Variants in BTF3L4 observed in about 807,000 individuals in gnomAD.
The protein encoded by BTF3L4 is transcription factor BTF3 homolog 4.
In BTF3L4, 6 loss-of-function variants were observed where a neutral mutation model predicts 16.8. That is an observed-to-expected ratio of 0.36 (90% CI 0.20 to 0.71). BTF3L4 has a LOEUF of 0.71. BTF3L4 is among the 30% of genes least tolerant of loss of function. BTF3L4 has a pLI of 0.58. For missense variants in BTF3L4, 92 were observed against 186.9 expected, an observed-to-expected ratio of 0.49 and a Z score of 2.96; for synonymous variants, 39 against 59.8, an observed-to-expected ratio of 0.65 and a Z score of 1.60.
At chr1:52,079,964 C>T (rs889192538) in intron 3 of BTF3L4, among the ~76,000 whole-genome samples, 13 of 150,466 alleles carry the variant, frequency 8.6e-5, no homozygotes, top group African/African-American at 2.2e-4. Context: ...CTCTTCCTCC[C>T]GGGTTCAAGC....
chr1:52,060,041 T>A (rs955901573), intron 2 of BTF3L4, 140 bp downstream of exon 2: 14 of 780,172 alleles, frequency 1.8e-5, no homozygotes, highest in Admixed American at 6.4e-5. Flanking sequence ...AAATAACTTG[T>A]CTAGATCTAA....
At chr1:52,058,470 G>C (rs1686429387) in intron 1 of BTF3L4, among the ~76,000 whole-genome samples, 1 of 152,044 alleles carries the variant, frequency 6.6e-6, no homozygotes, top group African/African-American at 2.4e-5. Context: ...TTTTTCATGT[G>C]AATGATGACT....
At chr1:52,075,712 G>C (rs940746655) in intron 3 of BTF3L4, among the ~76,000 whole-genome samples, 2 of 151,514 alleles carry the variant, frequency 1.3e-5, no homozygotes, top group African/African-American at 2.4e-5. Context: ...TGCCCAGGCT[G>C]AAGTGCGGTG....
At chr1:52,058,168 T>G (rs1261569643) in intron 1 of BTF3L4, among the ~76,000 whole-genome samples, 1 of 152,218 alleles carries the variant, frequency 6.6e-6, no homozygotes, top group Non-Finnish European at 1.5e-5. Flanking sequence ...GTCATCAAAT[T>G]TAAGTCTATG....
intron 4 of BTF3L4, among the ~76,000 whole-genome samples, chr1:52,084,959 G>A (rs1489962654): frequency 6.7e-6 from 1 of 149,248 alleles, no homozygotes; most frequent in African/African-American, 2.5e-5. Flanking sequence ...TAGTATTGTA[G>A]TGCCCATACT....
intron 3 of BTF3L4, among the ~76,000 whole-genome samples, chr1:52,080,616 CTA>C (rs1457809880): frequency 7.9e-6 from 1 of 126,810 alleles, no homozygotes; most frequent in Non-Finnish European, 1.6e-5. Context: ...TTACTGCAAC[CTA>C]TGTCTCCCAG....
Position 52,087,788 on chromosome 1 carries a change from G to T in BTF3L4, c.*1030G>T, listed in dbSNP as rs1443812340. The T allele has an allele frequency of 6.6e-6, 1 of 152,568 alleles. No homozygotes were observed. Among genetic ancestry groups the T allele is most frequent in the Non-Finnish European group, 1.5e-5 (1 of 68,038 alleles). 9.5% of individuals were successfully genotyped at this position (152,568 alleles called of 1,614,324 possible). On this transcript the variant is annotated 3_prime_UTR_variant, in exon 6 of 6. Transcript: ENST00000313334. ...TTGGGAATGTCCTTTTGAATCAGAA[G>T]AAAATAGGCCATAGACTCATCTCCC... is the stretch of plus-strand genomic sequence containing the variant.
chr1:52,061,938 G>A (rs1003424908), intron 2 of BTF3L4, among the ~76,000 whole-genome samples: 1 of 148,776 alleles, frequency 6.7e-6, no homozygotes, highest in Non-Finnish European at 1.5e-5. Flanking sequence ...CACCGTGCCC[G>A]GCCTCTTTTT....
intron 3 of BTF3L4, among the ~76,000 whole-genome samples, chr1:52,066,764 T>C (rs1572023290): frequency 6.7e-6 from 1 of 149,870 alleles, no homozygotes; most frequent in Non-Finnish European, 1.5e-5. Flanking sequence ...GAGAATGGAG[T>C]GAACCCAGGA....
intron 3 of BTF3L4, among the ~76,000 whole-genome samples, chr1:52,066,547 A>G (rs1440960528): frequency 3.3e-5 from 5 of 150,238 alleles, no homozygotes; most frequent in Non-Finnish European, 5.9e-5. Context: ...TTACTGCCAT[A>G]AGTTAAATTT....
intron 5 of BTF3L4, 107 bp from the exon 6 acceptor site, chr1:52,086,605 T>C (rs1643975367): frequency 3.2e-6 from 2 of 630,342 alleles, no homozygotes; most frequent in Non-Finnish European, 2.8e-6. Flanking sequence ...AGGCTAATTC[T>C]GGTTGTACTA....
chr1:52,064,799 TCTG>T (rs1357536083), intron 2 of BTF3L4, 23 bp from the exon 3 acceptor site: 3 of 1,504,508 alleles, frequency 2.0e-6, no homozygotes, highest in African/African-American at 2.8e-5. Flanking sequence ...TGCTAACACT[TCTG>T]CTTCTGTTTG....
rs1299844377 is a variant in BTF3L4, at chr1:52,088,430, A to G, written c.*1672A>G. The G allele has an allele frequency of 6.6e-6, 1 of 152,632 alleles. No individual in the cohort carries two copies. Among genetic ancestry groups the G allele is most frequent in the Non-Finnish European group, 1.5e-5 (1 of 68,030 alleles). 9.5% of individuals were successfully genotyped at this position (152,632 alleles called of 1,614,324 possible). On this transcript the variant is annotated 3_prime_UTR_variant, in exon 6 of 6. Coordinates refer to ENST00000313334, the MANE Select transcript of BTF3L4 (RefSeq NM_152265.5). ...TTGTGCTTTTCTTGATGTTGTGTAC[A>G]GAATTTCCTTTTATATTATTCCTCT...
intron 3 of BTF3L4, chr1:52,065,168 G>A (rs185317327): frequency 3.8e-4 from 105 of 276,684 alleles, no homozygotes; most frequent in African/African-American, 1.7e-3. Context: ...AGATATTTGC[G>A]TATATGGCAA....
At chr1:52,072,990 G>A (rs186562368) in intron 3 of BTF3L4, among the ~76,000 whole-genome samples, 3 of 151,968 alleles carry the variant, frequency 2.0e-5, no homozygotes, top group East Asian at 3.9e-4. Context: ...CCTGGGAGGC[G>A]GAGGTTGCAG....
At chr1:52,069,846 T>G (rs936254160) in intron 3 of BTF3L4, among the ~76,000 whole-genome samples, 1 of 152,186 alleles carries the variant, frequency 6.6e-6, no homozygotes, top group African/African-American at 2.4e-5. Flanking sequence ...GTCACTAACA[T>G]TAGTACTATC....
rs986451722 is a variant in BTF3L4 at position 52,059,993 on chromosome 1, C to G, written c.54+92C>G. 3.2e-5 allele frequency: 39 copies of G among 1,236,942 alleles called. 1 individual carries two copies. The South Asian group carries it at 5.6e-4, about 18-fold the overall frequency. 76.6% of individuals were successfully genotyped at this position (1,236,942 alleles called of 1,614,324 possible). A position where few individuals can be genotyped will look rare whatever the true frequency, so the allele number is the denominator to read the frequency against. On this transcript the variant is annotated intron_variant, in intron 2 of 5. Coordinates refer to ENST00000313334, the MANE Select transcript of BTF3L4 (RefSeq NM_152265.5). Reference sequence around the variant, plus strand: ...TTTGTGGTCATTGAAAATCTAAAATCTTTTCAATAATCAAGATCAAACCAC... The same window carrying G: ...TTTGTGGTCATTGAAAATCTAAAATGTTTTCAATAATCAAGATCAAACCAC...
At chr1:52,077,584 A>C (rs574938841) in intron 3 of BTF3L4, among the ~76,000 whole-genome samples, 34 of 152,328 alleles carry the variant, frequency 2.2e-4, no homozygotes, top group African/African-American at 7.2e-4. Flanking sequence ...ACAACTGCTA[A>C]TTCTCTTTTA....
intron 1 of BTF3L4, among the ~76,000 whole-genome samples, chr1:52,059,517 T>C (rs1033130904): frequency 3.9e-5 from 6 of 152,212 alleles, no homozygotes; most frequent in Non-Finnish European, 5.9e-5. Context: ...GATTTCATAA[T>C]TGGTTAGGCT....
Sources: allele counts gnomAD v4.1 joint callset (sites outside exome capture counted in the v4.1 genomes callset), GRCh38; gene constraint gnomAD v4.1.1; transcripts MANE v1.5; gene names NCBI Gene and HGNC (gene_info 2026-07-23, HGNC 2026-07-21).